Variants in GDA observed in about 807,000 individuals in gnomAD.
GDA encodes the protein cytoplasmic PSD-95 interactor.
Under a neutral mutation model 59.6 loss-of-function variants are expected in GDA, and 18 were observed. The ratio of observed to expected loss-of-function variants is 0.30; its 90% CI spans 0.21 to 0.45. The LOEUF (loss-of-function observed/expected upper bound fraction) is 0.45. Ranked by LOEUF, GDA falls within the 20% of genes least tolerant of loss-of-function variation. GDA has a pLI of 1.00. For missense variants in GDA, 427 were observed against 552.3 expected (o/e 0.77, Z 2.27); for synonymous variants, 201 against 201.1 (o/e 1.00, Z 0.00).
chr9:72,230,675 C>T (rs1243455700), intron 9 of GDA, among the ~76,000 whole-genome samples: 3 of 151,652 alleles, frequency 2.0e-5, no homozygotes, highest in South Asian at 2.1e-4. Flanking sequence ...TCCCCTTTTT[C>T]GATCTTAAAG....
intron 1 of GDA, among the ~76,000 whole-genome samples, chr9:72,134,621 C>T (rs891989876): frequency 2.0e-5 from 3 of 152,086 alleles, no homozygotes; most frequent in Non-Finnish European, 4.4e-5. Flanking sequence ...TCAGGCTGGC[C>T]TGGAACTCCT....
chr9:72,117,376 C>A (rs922420488), intron 1 of GDA, among the ~76,000 whole-genome samples: 1 of 151,836 alleles, frequency 6.6e-6, no homozygotes, highest in African/African-American at 2.4e-5. Flanking sequence ...TTAAAATGAC[C>A]TTTATAAAAT....
chr9:72,202,500 A>T (rs1286179361), intron 2 of GDA, 71 bp from the exon 3 acceptor site: 4 of 1,055,818 alleles, frequency 3.8e-6, no homozygotes, highest in Non-Finnish European at 5.6e-6. Context: ...CTTGGGAAAA[A>T]ATGTGATTTA....
chr9:72,114,803 A>G (rs1317075347), exon 1 of GDA: 3 of 152,364 alleles, frequency 2.0e-5, no homozygotes, highest in Non-Finnish European at 4.4e-5. Flanking sequence ...CCCCAGCACT[A>G]TAAGGAGAGA....
chr9:72,183,241 A>G (rs1831466421), intron 1 of GDA, among the ~76,000 whole-genome samples: 1 of 152,176 alleles, frequency 6.6e-6, no homozygotes, highest in African/African-American at 2.4e-5. Context: ...AAATATATGT[A>G]AATATATATT....
intron 1 of GDA, among the ~76,000 whole-genome samples, chr9:72,125,911 A>ATTTGTTTG (rs537407106): frequency 1.3e-5 from 2 of 151,926 alleles, no homozygotes; most frequent in African/African-American, 4.8e-5. Context: ...GGTTCAGGAA[A>ATTTGTTTG]TTTGTTTGTT....
chr9:72,195,106 G>A (rs544640256), intron 1 of GDA, among the ~76,000 whole-genome samples: 1 of 152,328 alleles, frequency 6.6e-6, no homozygotes, highest in East Asian at 1.9e-4. Flanking sequence ...CTGCTCACCT[G>A]ATTTGTAGTT....
intron 1 of GDA, among the ~76,000 whole-genome samples, chr9:72,177,347 C>T (rs996837451): frequency 1.3e-5 from 2 of 151,984 alleles, no homozygotes; most frequent in African/African-American, 4.8e-5. Context: ...CCACCCGCCT[C>T]GGCCTCCCAA....
chr9:72,161,223 C>T (rs1828596447), intron 1 of GDA, among the ~76,000 whole-genome samples: 1 of 152,104 alleles, frequency 6.6e-6, no homozygotes, highest in Non-Finnish European at 1.5e-5. Context: ...CTACTTTCTA[C>T]TCAGTGCCTC....
chr9:72,191,386 G>A (rs1295539898), intron 1 of GDA, among the ~76,000 whole-genome samples: 1 of 152,094 alleles, frequency 6.6e-6, no homozygotes, highest in Non-Finnish European at 1.5e-5. Flanking sequence ...ATAATAGATA[G>A]TGAAATCTAA....
Position 72,250,532 on chromosome 9 carries a change from T to C in GDA, c.*2190T>C. 1 of 1,422,276 alleles carries C rather than the reference T, an allele frequency of 7.0e-7. No homozygotes were observed. The highest frequency in any genetic ancestry group is 9.2e-7 in the Non-Finnish European group (1 of 1,091,550). The allele number at this position is 1,422,276 out of a possible 1,614,324, so 88.1% of individuals were successfully genotyped here. ...TACTTTGATCTCTCCACATCACTTA[T>C]AACTTATGTGTTTTATTTCTCCAAG... On this transcript the variant is annotated 3_prime_UTR_variant, in exon 14 of 14. Transcript: ENST00000358399.
upstream of GDA, among the ~76,000 whole-genome samples, chr9:72,148,500 G>A (rs1421383917): frequency 6.6e-6 from 1 of 152,170 alleles, no homozygotes; most frequent in Non-Finnish European, 1.5e-5. Context: ...AGGTGACTCC[G>A]AAGAGCCTGA....
intron 1 of GDA, among the ~76,000 whole-genome samples, chr9:72,167,010 T>A (rs1197640853): frequency 6.6e-6 from 1 of 152,202 alleles, no homozygotes. Flanking sequence ...ACTGACCCAA[T>A]AGTTCCATAG....
intron 1 of GDA, among the ~76,000 whole-genome samples, chr9:72,118,476 A>G (rs1825546990): frequency 6.6e-6 from 1 of 152,144 alleles, no homozygotes; most frequent in African/African-American, 2.4e-5. Context: ...CACTATAAAT[A>G]TGTTTTTATC....
chr9:72,129,812 G>A (rs1180015602), intron 1 of GDA, among the ~76,000 whole-genome samples: 1 of 152,098 alleles, frequency 6.6e-6, no homozygotes, highest in East Asian at 1.9e-4. Flanking sequence ...ATTAACCAGA[G>A]GGTTGCTTGG....
chr9:72,236,776 A>ATTTTTTTT (rs201065067), intron 10 of GDA, among the ~76,000 whole-genome samples: 1 of 101,466 alleles, frequency 9.9e-6, no homozygotes. Context: ...AACCACTCCT[A>ATTTTTTTT]TTTTTTTTTT....
intron 6 of GDA, among the ~76,000 whole-genome samples, chr9:72,220,649 C>T (rs1325207492): frequency 6.6e-6 from 1 of 152,014 alleles, no homozygotes; most frequent in Non-Finnish European, 1.5e-5. Flanking sequence ...TGGTTTCTGG[C>T]AAGCAGGGAC....
At chr9:72,160,625 T>C (rs1828501498) in intron 1 of GDA, among the ~76,000 whole-genome samples, 1 of 152,188 alleles carries the variant, frequency 6.6e-6, no homozygotes, top group South Asian at 2.1e-4. Flanking sequence ...GTTTATCCTT[T>C]CATCAGTTGA....
intron 1 of GDA, among the ~76,000 whole-genome samples, chr9:72,171,134 C>T (rs1393163612): frequency 6.6e-6 from 1 of 152,102 alleles, no homozygotes; most frequent in African/African-American, 2.4e-5. Flanking sequence ...TCATTTTTTT[C>T]AGCTCTCTTA....
Sources: gnomAD v4.1 joint callset for allele counts (sites outside exome capture counted in the v4.1 genomes callset) on GRCh38, gnomAD v4.1.1 for gene constraint, MANE v1.5 for transcripts, NCBI Gene and HGNC (gene_info 2026-07-23, HGNC 2026-07-21) for gene names.